The following UBE2D2 variants were observed in gnomAD, a reference collection of about 807,000 sequenced individuals.
UBE2D2 encodes the protein ubiquitin-conjugating enzyme E2 D2.
Under a neutral mutation model 24.2 loss-of-function variants are expected in UBE2D2, and 2 were observed. That is an observed-to-expected ratio of 0.08 (90% CI 0.03 to 0.26). UBE2D2 has a LOEUF of 0.26. Ranked by LOEUF, UBE2D2 falls within the 10% of genes least tolerant of loss-of-function variation. The pLI, the probability that UBE2D2 is intolerant of heterozygous loss-of-function variation, is 1.00. For synonymous variants in UBE2D2, 58 were observed against 56.5 expected, an observed-to-expected ratio of 1.03 and a Z score of -0.12; for missense variants, 44 against 177.6, an observed-to-expected ratio of 0.25 and a Z score of 4.28.
At position 139,623,469 on chromosome 5, in the gene UBE2D2, T is replaced by A. The variant is rs765112541; in HGVS notation, c.398+8T>A. Reference sequence around the variant, plus strand: ...CAAAACAGATAGAGAAAAGTAAGTATGGCCTCAAGATGGAAAGTTATCTGT... The same window carrying A: ...CAAAACAGATAGAGAAAAGTAAGTAAGGCCTCAAGATGGAAAGTTATCTGT... On this transcript the variant is annotated splice_region_variant and intron_variant, in intron 6 of 6. Coordinates refer to ENST00000398733, the MANE Select transcript of UBE2D2 (RefSeq NM_003339.3). 5 of 1,595,036 alleles carry A rather than the reference T, an allele frequency of 3.1e-6. No individual in the cohort carries two copies. Among genetic ancestry groups the A allele is most frequent in the East Asian group, 2.3e-5 (1 of 44,442 alleles).
intron 1 of UBE2D2, among the ~76,000 whole-genome samples, chr5:139,583,663 G>A (rs1753654917): frequency 6.6e-6 from 1 of 152,196 alleles, no homozygotes; most frequent in Non-Finnish European, 1.5e-5. Context: ...TCGGGAGGCT[G>A]AGACAGGAGA....
At chr5:139,570,361 C>T (rs953519287) in intron 1 of UBE2D2, among the ~76,000 whole-genome samples, 1 of 152,052 alleles carries the variant, frequency 6.6e-6, no homozygotes, top group Non-Finnish European at 1.5e-5. Flanking sequence ...TCCCCCGAAA[C>T]GGAGTCTCTA....
chr5:139,590,833 C>T lies in UBE2D2; in HGVS notation c.25-9539C>T, dbSNP rs1334350048. 4.6e-5 allele frequency among the ~76,000 whole-genome samples: 5 copies of T among 107,706 alleles called. No homozygotes were observed. In the South Asian group the frequency reaches 1.3e-3, roughly 28 times the overall value. 70.7% of individuals were successfully genotyped at this position (107,706 alleles called of 152,430 possible). The stretch of plus-strand genomic sequence containing the variant: ...TTTTTGAGATGTAGTCTTGCTCTGT[C>T]GCCCAGGCTGGAGTGCAGTGGCGCG... On this transcript the variant is annotated intron_variant, in intron 1 of 6. Transcript: ENST00000398733.
At chr5:139,558,456 T>G (rs1051849570), upstream of UBE2D2, among the ~76,000 whole-genome samples, 1 of 152,084 alleles carries the variant, frequency 6.6e-6, no homozygotes, top group African/African-American at 2.4e-5. Flanking sequence ...GCCCGGCTAA[T>G]TTTTTGTATT....
At chr5:139,549,379 G>A (rs1216271893) in intron 1 of UBE2D2, among the ~76,000 whole-genome samples, 3 of 152,194 alleles carry the variant, frequency 2.0e-5, no homozygotes, top group African/African-American at 4.8e-5. Context: ...CTGCGCGCAT[G>A]GCACTCGAGG....
intron 1 of UBE2D2, among the ~76,000 whole-genome samples, chr5:139,547,912 C>T (rs892571239): frequency 6.6e-5 from 10 of 151,956 alleles, no homozygotes; most frequent in South Asian, 2.1e-4. Context: ...CCAGGCTGGT[C>T]TCGAACTCCC....
intron 6 of UBE2D2, among the ~76,000 whole-genome samples, chr5:139,626,243 A>AT (rs937475113): frequency 2.6e-5 from 4 of 151,546 alleles, no homozygotes; most frequent in East Asian, 2.0e-4. Context: ...TAATTTTTGT[A>AT]TTTTTTTGTA....
chr5:139,589,642 TAGAA>T (rs1282100886), intron 1 of UBE2D2, among the ~76,000 whole-genome samples: 1 of 152,172 alleles, frequency 6.6e-6, no homozygotes, highest in African/African-American at 2.4e-5. Context: ...AAAATACACT[TAGAA>T]AGTAGTGATT....
chr5:139,550,693 C>T lies in UBE2D2; in HGVS notation c.-64+24081C>T, dbSNP rs141516314. Among the ~76,000 whole-genome samples, 12 of 152,032 alleles carry T rather than the reference C, an allele frequency of 7.9e-5. No individual in the cohort carries two copies. In the East Asian group the frequency reaches 9.7e-4, roughly 12 times the overall value. On this transcript the variant is annotated intron_variant, in intron 1 of 6. Coordinates refer to the UBE2D2 transcript ENST00000511725. ...TCTGCAGCCTCAATCCTGAGGCCAC[C>T]GAGACCATGAACCCATGGGAGGAAT... is the stretch of plus-strand genomic sequence containing the variant.
chr5:139,596,914 G>A (rs1303625733), intron 1 of UBE2D2, among the ~76,000 whole-genome samples: 3 of 151,876 alleles, frequency 2.0e-5, no homozygotes, highest in East Asian at 1.9e-4. Flanking sequence ...CGGCGTGGTG[G>A]TGGGCACCTG....
At chr5:139,602,464 C>CCCA (rs1754099741) in intron 2 of UBE2D2, among the ~76,000 whole-genome samples, 1 of 152,112 alleles carries the variant, frequency 6.6e-6, no homozygotes, top group African/African-American at 2.4e-5. Flanking sequence ...ATCACTTGAG[C>CCCA]CCAGGAGTGC....
At chr5:139,610,862 A>G (rs932547301) in intron 2 of UBE2D2, among the ~76,000 whole-genome samples, 3 of 152,078 alleles carry the variant, frequency 2.0e-5, no homozygotes, top group Non-Finnish European at 4.4e-5. Context: ...CAAAATAAAT[A>G]AATCTAGGAG....
Position 139,589,845 on chromosome 5 carries a change from C to T in UBE2D2, c.25-10527C>T, listed in dbSNP as rs180762617. Among the ~76,000 whole-genome samples the T allele has an allele frequency of 4.0e-5, 6 of 151,878 alleles. No individual in the cohort carries two copies. The East Asian group carries it at 5.9e-4, about 15-fold the overall frequency. ...CGTCGCCCAGGCTGGAGTGCAGTGG[C>T]GCAATCTTGGCTCACTGCAAACTCC... On this transcript the variant is annotated intron_variant, in intron 1 of 6. Coordinates refer to ENST00000398733, the MANE Select transcript of UBE2D2 (RefSeq NM_003339.3).
At chr5:139,551,132 G>A (rs933254637) in intron 1 of UBE2D2, among the ~76,000 whole-genome samples, 1 of 152,136 alleles carries the variant, frequency 6.6e-6, no homozygotes, top group Non-Finnish European at 1.5e-5. Context: ...ATTGTCTGAA[G>A]TCAGGAGTTC....
intron 1 of UBE2D2, among the ~76,000 whole-genome samples, chr5:139,539,601 A>AT (rs957394962): frequency 3.3e-5 from 5 of 150,800 alleles, no homozygotes; most frequent in East Asian, 3.9e-4. Flanking sequence ...TTCCTAATTT[A>AT]TTTTTTTTTA....
intron 1 of UBE2D2, among the ~76,000 whole-genome samples, chr5:139,541,941 C>G (rs867389879): frequency 6.6e-6 from 1 of 151,604 alleles, no homozygotes; most frequent in Admixed American, 6.6e-5. Context: ...AATCCCAGCA[C>G]TTTGGGAGGC....
intron 5 of UBE2D2, among the ~76,000 whole-genome samples, chr5:139,615,607 T>C (rs1581531412): frequency 6.6e-6 from 1 of 152,080 alleles, no homozygotes; most frequent in East Asian, 1.9e-4. Context: ...TATTGCAGAA[T>C]AGGAAATAGA....
At chr5:139,562,197 AG>A (rs757531093) in intron 1 of UBE2D2, 6 of 1,377,934 alleles carry the variant, frequency 4.4e-6, no homozygotes, top group Non-Finnish European at 5.7e-6. Flanking sequence ...AGAGGTCGAA[AG>A]GGCTTCTCGC....
intron 5 of UBE2D2, among the ~76,000 whole-genome samples, chr5:139,621,185 A>G (rs547983325): frequency 2.2e-4 from 34 of 152,318 alleles, no homozygotes; most frequent in Admixed American, 1.7e-3. Flanking sequence ...TTAGGCTGCA[A>G]TGAGCCAAGA....
Sources: allele counts gnomAD v4.1 joint callset (sites outside exome capture counted in the v4.1 genomes callset), GRCh38; gene constraint gnomAD v4.1.1; transcripts MANE v1.5; gene names NCBI Gene and HGNC (gene_info 2026-07-23, HGNC 2026-07-21).